Variants in RBFOX1 observed in about 807,000 individuals in gnomAD.
RBFOX1 encodes RNA binding protein fox-1 homolog 1.
RBFOX1 carries 8 observed loss-of-function variants against 57.7 expected under a neutral mutation model. The observed-to-expected ratio is 0.14, with a 90% CI of 0.08 to 0.25. RBFOX1 has a LOEUF of 0.25. Ranked by LOEUF, RBFOX1 falls within the 10% of genes least tolerant of loss-of-function variation. The pLI is 1.00. For synonymous variants in RBFOX1, 326 were observed against 222.4 expected, an observed-to-expected ratio of 1.47 and a Z score of -4.15; for missense variants, 611 against 548.5, an observed-to-expected ratio of 1.11 and a Z score of -1.14.
At chr16:5,917,653 C>T (rs547142013) in intron 4 of RBFOX1, among the ~76,000 whole-genome samples, 20 of 152,262 alleles carry the variant, frequency 1.3e-4, no homozygotes, top group East Asian at 1.9e-4. Context: ...TGTGTCAGCA[C>T]GGAAATGGTT....
chr16:7,699,512 G>T (rs1170550767), intron 14 of RBFOX1, among the ~76,000 whole-genome samples: 2 of 152,158 alleles, frequency 1.3e-5, no homozygotes, highest in African/African-American at 4.8e-5. Context: ...TGTTTCAATG[G>T]TAAAAAGAGC....
chr16:7,098,255 C>T (rs995427385), intron 4 of RBFOX1, among the ~76,000 whole-genome samples: 5 of 152,202 alleles, frequency 3.3e-5, no homozygotes, highest in Non-Finnish European at 5.9e-5. Context: ...TTACAACCTC[C>T]GCCTTCCTGG....
At chr16:6,941,300 C>CCTTCCTTCCTTCCT (rs1567990534) in intron 3 of RBFOX1, among the ~76,000 whole-genome samples, 38 of 79,210 alleles carry the variant, frequency 4.8e-4, no homozygotes, top group Admixed American at 1.4e-3. Context: ...CCCTCCCTCC[C>CCTTCCTTCCTTCCT]TCCTTCCTTC....
At chr16:7,684,940 G>A (rs928619999) in intron 14 of RBFOX1, among the ~76,000 whole-genome samples, 1 of 152,038 alleles carries the variant, frequency 6.6e-6, no homozygotes, top group East Asian at 1.9e-4. Flanking sequence ...GAACAAATGG[G>A]GGAAAAGGAG....
chr16:6,615,340 C>T (rs1419468119), intron 2 of RBFOX1, among the ~76,000 whole-genome samples: 4 of 152,170 alleles, frequency 2.6e-5, no homozygotes, highest in Non-Finnish European at 5.9e-5. Context: ...GAGGCCAAGG[C>T]GGGTGGATCA....
intron 3 of RBFOX1, among the ~76,000 whole-genome samples, chr16:6,877,020 C>G (rs1195668588): frequency 1.3e-5 from 2 of 152,198 alleles, no homozygotes; most frequent in Admixed American, 6.5e-5. Flanking sequence ...TATATTTCTG[C>G]TATTGTTTCT....
chr16:7,019,546 T>C (rs2094101781), intron 3 of RBFOX1, among the ~76,000 whole-genome samples: 1 of 152,180 alleles, frequency 6.6e-6, no homozygotes, highest in Non-Finnish European at 1.5e-5. Flanking sequence ...GTTTGTGCTG[T>C]GGATTTGCAG....
At chr16:6,575,674 G>T (rs1223945836) in intron 2 of RBFOX1, among the ~76,000 whole-genome samples, 1 of 152,026 alleles carries the variant, frequency 6.6e-6, no homozygotes, top group Non-Finnish European at 1.5e-5. Context: ...ACTGATCAAT[G>T]TGGTGAAACA....
At chr16:7,322,072 G>A (rs561446388) in intron 4 of RBFOX1, among the ~76,000 whole-genome samples, 1 of 152,332 alleles carries the variant, frequency 6.6e-6, no homozygotes, top group East Asian at 1.9e-4. Context: ...CTCCAGTGCT[G>A]TATTTGGTGG....
At chr16:7,121,496 C>G (rs1333660297) in intron 4 of RBFOX1, among the ~76,000 whole-genome samples, 3 of 151,876 alleles carry the variant, frequency 2.0e-5, no homozygotes, top group Non-Finnish European at 4.4e-5. Context: ...CAATACTTAG[C>G]TATAAATATA....
rs139346890 is a variant in RBFOX1, at chr16:7,468,376, C to G, written c.28-49771C>G. The stretch of plus-strand genomic sequence containing the variant: ...GTGTATCCCGATTAGATTGTTGACA[C>G]TGTGTCAAGCTGTTAGGGAGATAAA... On this transcript the variant is annotated intron_variant, in intron 4 of 15. Coordinates refer to ENST00000550418, the MANE Select transcript of RBFOX1 (RefSeq NM_018723.4). 3.9e-5 allele frequency among the ~76,000 whole-genome samples: 6 copies of G among 152,062 alleles called. No individual in the cohort carries two copies. The East Asian group carries it at 5.8e-4, about 15-fold the overall frequency.
At chr16:5,622,815 C>G (rs747308683) in intron 3 of RBFOX1, among the ~76,000 whole-genome samples, 68 of 152,214 alleles carry the variant, frequency 4.5e-4, no homozygotes, top group Middle Eastern at 3.2e-3. Context: ...TTCAACCAAC[C>G]TCGATTCAAA....
chr16:7,001,576 C>T (rs912426923), intron 3 of RBFOX1, among the ~76,000 whole-genome samples: 3 of 152,096 alleles, frequency 2.0e-5, no homozygotes, highest in Non-Finnish European at 4.4e-5. Context: ...CCTACATCAG[C>T]CTCCCGAGTA....
intron 3 of RBFOX1, among the ~76,000 whole-genome samples, chr16:5,662,101 T>C (rs1249650595): frequency 1.3e-5 from 2 of 152,158 alleles, no homozygotes; most frequent in Admixed American, 6.6e-5. Flanking sequence ...TTAGACATCT[T>C]GTTAACTGAA....
intron 3 of RBFOX1, among the ~76,000 whole-genome samples, chr16:6,816,598 G>C (rs1049353352): frequency 6.6e-6 from 1 of 151,764 alleles, no homozygotes; most frequent in Admixed American, 6.6e-5. Flanking sequence ...AAATTAGCCA[G>C]GCGTGGTGGC....
rs571580907 is a variant in RBFOX1, at chr16:6,645,576, G to T, written c.-63-9027G>T. On this transcript the variant is annotated intron_variant, in intron 2 of 15. Transcript: ENST00000550418. ...TGTAGAAGAAAAGAAGTCTCTCTCG[G>T]GAGAGAGAACTGCTTCTGAAAAGAA... Among the ~76,000 whole-genome samples, 376 of 152,186 alleles carry T rather than the reference G, an allele frequency of 2.5e-3. 2 individuals are homozygous for T. Among genetic ancestry groups the T allele is most frequent in the African/African-American group, 8.4e-3 (350 of 41,518 alleles).
intron 4 of RBFOX1, among the ~76,000 whole-genome samples, chr16:7,438,432 C>T (rs1382794454): frequency 6.6e-6 from 1 of 151,928 alleles, no homozygotes; most frequent in African/African-American, 2.4e-5. Context: ...TTGCCCTGTC[C>T]TGGGAGGGCA....
intron 4 of RBFOX1, among the ~76,000 whole-genome samples, chr16:5,887,996 G>A (rs779105454): frequency 1.3e-5 from 2 of 152,206 alleles, no homozygotes; most frequent in Non-Finnish European, 2.9e-5. Flanking sequence ...GCCAGACTGT[G>A]TTCCTGCAAT....
rs138559530 is a variant in RBFOX1, at chr16:6,374,393, C to G, written c.-64+57336C>G. ...TAGACATTCTGAATACCTGTTTTAT[C>G]CTTTTCTATTTTCTCATACTAAGAA... On this transcript the variant is annotated intron_variant, in intron 2 of 15. Transcript: ENST00000550418. Among the ~76,000 whole-genome samples, 144 of 152,262 alleles carry G rather than the reference C, an allele frequency of 9.5e-4. No individual in the cohort carries two copies. In the East Asian group the frequency reaches 0.024, roughly 26 times the overall value.
Sources: allele counts gnomAD v4.1 joint callset (sites outside exome capture counted in the v4.1 genomes callset), GRCh38; gene constraint gnomAD v4.1.1; transcripts MANE v1.5; gene names NCBI Gene and HGNC (gene_info 2026-07-23, HGNC 2026-07-21).